Variants in LIMS1 observed in about 807,000 individuals in gnomAD.
LIMS1 encodes LIM and senescent cell antigen-like-containing domain protein 1.
Under a neutral mutation model 44.1 loss-of-function variants are expected in LIMS1, and 18 were observed. That is an observed-to-expected ratio of 0.41 (90% CI 0.28 to 0.61). The LOEUF is 0.61. Ranked by LOEUF, LIMS1 falls within the 20% of genes least tolerant of loss-of-function variation. LIMS1 has a pLI of 0.32. For missense variants in LIMS1, 201 were observed against 422.0 expected (o/e 0.48, Z 4.59); for synonymous variants, 93 against 149.1 (o/e 0.62, Z 2.74).
At chr2:108,680,474 T>C (rs58889267) in intron 8 of LIMS1, among the ~76,000 whole-genome samples, 67,226 of 147,612 alleles carry the variant, frequency 0.46, 16,640 homozygotes, top group East Asian at 0.96. Context: ...GAGGTTGGGG[T>C]TACAGTGAGC....
intron 1 of LIMS1, among the ~76,000 whole-genome samples, chr2:108,640,886 C>T (rs10207904): frequency 0.021 from 3,215 of 152,262 alleles, 49 homozygotes; most frequent in Non-Finnish European, 0.025. Context: ...AGAACTATTC[C>T]TGTTACTCAG....
intron 1 of LIMS1, among the ~76,000 whole-genome samples, chr2:108,578,369 A>G (rs1005711848): frequency 2.0e-5 from 3 of 152,110 alleles, no homozygotes; most frequent in African/African-American, 7.2e-5. Context: ...ATCCTTTCAT[A>G]TTTTGTTATA....
intron 1 of LIMS1, among the ~76,000 whole-genome samples, chr2:108,578,014 A>G (rs1685734664): frequency 6.6e-6 from 1 of 152,128 alleles, no homozygotes; most frequent in Non-Finnish European, 1.5e-5. Context: ...GGTTCAAGTG[A>G]TTCTCCTGCC....
intron 1 of LIMS1, among the ~76,000 whole-genome samples, chr2:108,588,139 C>G (rs1167879701): frequency 6.6e-6 from 1 of 152,096 alleles, no homozygotes; most frequent in Non-Finnish European, 1.5e-5. Flanking sequence ...GGGTGAATTT[C>G]TTAACTTCAT....
At chr2:108,551,953 GTATA>G (rs10598934) in intron 1 of LIMS1, among the ~76,000 whole-genome samples, 1,777 of 85,306 alleles carry the variant, frequency 0.021, 22 homozygotes, top group East Asian at 0.094. Context: ...GTGTGTGTGT[GTATA>G]TATATATATA....
intron 2 of LIMS1, among the ~76,000 whole-genome samples, chr2:108,667,538 TAAA>T (rs546617468): frequency 5.0e-4 from 64 of 128,548 alleles, no homozygotes; most frequent in Non-Finnish European, 7.3e-4. Context: ...CAACCTTTTT[TAAA>T]AAAAAAAAAA....
chr2:108,616,623 C>T (rs6744135), intron 1 of LIMS1, among the ~76,000 whole-genome samples: 62,734 of 151,998 alleles, frequency 0.41, 14,875 homozygotes, highest in East Asian at 0.94. Flanking sequence ...ATATTATCTG[C>T]TTGTGAGTGG....
intron 1 of LIMS1, among the ~76,000 whole-genome samples, chr2:108,544,800 C>T (rs1684431555): frequency 6.6e-6 from 1 of 152,114 alleles, no homozygotes; most frequent in Non-Finnish European, 1.5e-5. Flanking sequence ...GGGCCAGCCT[C>T]AATAATTATT....
chr2:108,583,482 A>G (rs576650046), intron 1 of LIMS1, among the ~76,000 whole-genome samples: 1 of 152,342 alleles, frequency 6.6e-6, no homozygotes, highest in East Asian at 1.9e-4. Flanking sequence ...TTTCATAACA[A>G]GGACCTATGA....
intron 1 of LIMS1, among the ~76,000 whole-genome samples, chr2:108,566,096 CTG>C (rs1190623470): frequency 2.0e-5 from 3 of 152,160 alleles, no homozygotes; most frequent in African/African-American, 7.2e-5. Context: ...TTTCATGTCT[CTG>C]TGAAGTAAAA....
intron 1 of LIMS1, among the ~76,000 whole-genome samples, chr2:108,548,267 A>G (rs1347551334): frequency 1.3e-5 from 2 of 149,066 alleles, no homozygotes; most frequent in South Asian, 2.2e-4. Flanking sequence ...TGCTGAAACA[A>G]TTTTAACAAT....
At chr2:108,555,691 G>A (rs1031626582) in intron 1 of LIMS1, among the ~76,000 whole-genome samples, 6 of 152,204 alleles carry the variant, frequency 3.9e-5, no homozygotes, top group African/African-American at 1.4e-4. Context: ...GTTGGTGGAG[G>A]GAGAGGAAAG....
chr2:108,681,359 A>C (rs1211765367), intron 9 of LIMS1: 3 of 984,622 alleles, frequency 3.0e-6, no homozygotes, highest in Non-Finnish European at 3.6e-6. Context: ...TTTTGTGGTC[A>C]TGTATTTCAC....
chr2:108,601,629 TC>T (rs201735494), intron 1 of LIMS1, among the ~76,000 whole-genome samples: 1,830 of 152,348 alleles, frequency 0.012, 44 homozygotes, highest in African/African-American at 0.043. Flanking sequence ...GTGTCCATGT[TC>T]AATTGAGTTC....
At chr2:108,595,364 C>G (rs1686625060) in intron 1 of LIMS1, among the ~76,000 whole-genome samples, 1 of 152,074 alleles carries the variant, frequency 6.6e-6, no homozygotes, top group Non-Finnish European at 1.5e-5. Flanking sequence ...TAAGCATGAA[C>G]AAACTACCTT....
intron 1 of LIMS1, among the ~76,000 whole-genome samples, chr2:108,643,694 T>C (rs1192989768): frequency 6.6e-6 from 1 of 150,810 alleles, no homozygotes; most frequent in African/African-American, 2.4e-5. Context: ...AAAGGAGGGC[T>C]GAAGCCAGGG....
At chr2:108,573,119 A>C (rs933986332) in intron 1 of LIMS1, among the ~76,000 whole-genome samples, 1 of 152,338 alleles carries the variant, frequency 6.6e-6, no homozygotes, top group East Asian at 1.9e-4. Context: ...TATGAATGCA[A>C]GTCCCAGTTG....
chr2:108,634,144 T>A (rs1244590202), intron 1 of LIMS1, among the ~76,000 whole-genome samples: 2 of 152,162 alleles, frequency 1.3e-5, no homozygotes, highest in East Asian at 3.9e-4. Flanking sequence ...CTCAAGGAAG[T>A]CCATGCAATA....
chr2:108,608,390 C>G (rs1034953244), intron 1 of LIMS1, among the ~76,000 whole-genome samples: 1 of 151,526 alleles, frequency 6.6e-6, no homozygotes, highest in Admixed American at 6.6e-5. Context: ...ACTGAAACCT[C>G]CGCCTCCCGG....
Sources: allele counts gnomAD v4.1 joint callset (sites outside exome capture counted in the v4.1 genomes callset), GRCh38; gene constraint gnomAD v4.1.1; transcripts MANE v1.5; gene names NCBI Gene and HGNC (gene_info 2026-07-23, HGNC 2026-07-21).